The following GRK7 variants were observed in gnomAD, a reference collection of about 807,000 sequenced individuals.
GRK7 encodes the protein G protein-coupled receptor kinase 7.
GRK7 carries 24 observed loss-of-function variants against 34.1 expected under a neutral mutation model. That is an observed-to-expected ratio of 0.70 (90% confidence interval 0.51 to 0.99). The LOEUF is 0.99. Ranked by LOEUF, GRK7 falls within the 50% of genes least tolerant of loss-of-function variation. The pLI is 0.00. For missense variants in GRK7, 644 were observed against 707.3 expected (o/e 0.91, Z 1.02); for synonymous variants, 256 against 279.4 (o/e 0.92, Z 0.84).
At chr3:141,767,710 G>A (rs1297790912) in intron 1 of GRK7, among the ~76,000 whole-genome samples, 1 of 152,088 alleles carries the variant, frequency 6.6e-6, no homozygotes, top group Non-Finnish European at 1.5e-5. Flanking sequence ...AGAAAAGTCT[G>A]CTATTTTAAA....
At chr3:141,767,645 T>C (rs2084595884) in intron 1 of GRK7, among the ~76,000 whole-genome samples, 1 of 151,996 alleles carries the variant, frequency 6.6e-6, no homozygotes, top group African/African-American at 2.4e-5. Context: ...AGGCGATCCA[T>C]CCACCTTGGC....
intron 1 of GRK7, among the ~76,000 whole-genome samples, chr3:141,766,805 C>T (rs1373268962): frequency 1.3e-5 from 2 of 152,310 alleles, no homozygotes; most frequent in Admixed American, 6.5e-5. Flanking sequence ...AATAAAATCT[C>T]GTACTTTCCA....
chr3:141,781,295 G>A (rs1231394172), intron 4 of GRK7, among the ~76,000 whole-genome samples: 2 of 152,116 alleles, frequency 1.3e-5, no homozygotes, highest in Non-Finnish European at 2.9e-5. Flanking sequence ...CAGCACTTTG[G>A]GGAGGCCGAG....
At chr3:141,784,316 C>T (rs1413091802) in intron 4 of GRK7, among the ~76,000 whole-genome samples, 1 of 152,160 alleles carries the variant, frequency 6.6e-6, no homozygotes, top group African/African-American at 2.4e-5. Context: ...GCCCTTTTAC[C>T]TCTGCATCCC....
chr3:141,782,204 G>A (rs2084675099), intron 4 of GRK7, among the ~76,000 whole-genome samples: 1 of 152,178 alleles, frequency 6.6e-6, no homozygotes, highest in African/African-American at 2.4e-5. Context: ...GATGGTAGGT[G>A]GGGACATCAG....
chr3:141,786,597 G>A (rs1307478865), intron 4 of GRK7, among the ~76,000 whole-genome samples: 2 of 152,156 alleles, frequency 1.3e-5, no homozygotes, highest in Admixed American at 6.5e-5. Context: ...CTAACACAGT[G>A]AAACCTGGTC....
In GRK7 at chr3:141,780,802, C is replaced by T. The variant is rs1290802752; in HGVS notation, c.1041C>T (p.Ile347=). ...LAVEMKGGKP[I]TQRAGTNGYM... The stretch of plus-strand genomic sequence containing the variant: ...TGGAGATGAAGGGTGGCAAGCCCAT[C>T]ACCCAGAGGGTGAGTGACTCTCCAC... The change falls in exon 4 of 6, where the codon ATC becomes ATT. Residue 347 remains isoleucine, a synonymous_variant. Transcript: ENST00000682958. The T allele has an allele frequency of 1.2e-6, 2 of 1,612,762 alleles. No homozygotes were observed. The highest frequency in any genetic ancestry group is 1.7e-6 in the Non-Finnish European group (2 of 1,179,330).
At position 141,778,664 on chromosome 3, in the gene GRK7, G is replaced by T. The variant is rs35318124; in HGVS notation, c.380G>T (p.Ser127Ile). 1.2e-6 allele frequency: 2 copies of T among 1,613,536 alleles called. No homozygotes were observed. Among genetic ancestry groups the T allele is most frequent in the Admixed American group, 3.3e-5 (2 of 59,940 alleles). ...PAPGNPQPFL[S>I]QAVATKCQAA... is the part of the protein sequence containing the mutation. ...CCGGGGAACCCGCAACCCTTCCTCA[G>T]CCAGGCCGTGGCCACCAAGTGCCAA... The change falls in exon 3 of 6, where the codon AGC (serine) becomes ATC (isoleucine). Residue 127 changes from serine (S) to isoleucine (I), a missense_variant. By Grantham distance (142) the Ser-to-Ile change is moderately radical. Transcript: ENST00000682958. This position sits in a 1 kb window ranked among gnomAD's most constrained non-coding sequence, Gnocchi z 4.1.
intron 4 of GRK7, among the ~76,000 whole-genome samples, chr3:141,806,249 T>C (rs1305626730): frequency 1.3e-5 from 2 of 152,156 alleles, no homozygotes; most frequent in African/African-American, 2.4e-5. Context: ...CCCATTGCTC[T>C]CTGTCATATC....
rs1262219102 is a variant in GRK7 at position 141,817,557 on chromosome 3, CA to C, written c.*509del. 1 of 152,294 alleles carries C rather than the reference CA, an allele frequency of 6.6e-6. No individual in the cohort carries two copies. The highest frequency in any genetic ancestry group is 1.5e-5 in the Non-Finnish European group (1 of 68,142). 9.4% of individuals were successfully genotyped at this position (152,294 alleles called of 1,614,324 possible). ...AAAGGAGTGGATTACAATATTTTGG[CA>C]ATGTTTTAAATCACAGAATAATTTT... is the stretch of plus-strand genomic sequence containing the variant. On this transcript the variant is annotated 3_prime_UTR_variant, in exon 6 of 6. Transcript: ENST00000682958.
At chr3:141,794,814 T>C (rs998558683) in intron 4 of GRK7, among the ~76,000 whole-genome samples, 1 of 152,106 alleles carries the variant, frequency 6.6e-6, no homozygotes, top group Non-Finnish European at 1.5e-5. Flanking sequence ...ATGGTTTGGA[T>C]ACGGGGTTAA....
intron 5 of GRK7, among the ~76,000 whole-genome samples, chr3:141,809,629 TC>T (rs1454570249): frequency 6.6e-6 from 1 of 151,880 alleles, no homozygotes; most frequent in Non-Finnish European, 1.5e-5. Flanking sequence ...GCCCAGGAGC[TC>T]AAGGCTGCAG....
Position 141,793,584 on chromosome 3 carries a change from G to C in GRK7, c.1050+12773G>C, listed in dbSNP as rs572350530. ...ATCCTTCAGGGAGCTCTGGAGTTGG[G>C]ATGACTCTTCTGAGTTGGCCCAAAT... is the stretch of plus-strand genomic sequence containing the variant. On this transcript the variant is annotated intron_variant, in intron 4 of 5. Transcript: ENST00000682958. Among the ~76,000 whole-genome samples, 9 of 152,316 alleles carry C rather than the reference G, an allele frequency of 5.9e-5. No homozygotes were observed. The East Asian group carries it at 1.7e-3, about 29-fold the overall frequency.
chr3:141,798,862 T>C (rs1216457899), intron 4 of GRK7, among the ~76,000 whole-genome samples: 2 of 152,240 alleles, frequency 1.3e-5, no homozygotes, highest in African/African-American at 2.4e-5. Context: ...CAAAGCTCCA[T>C]GGCTGACATT....
chr3:141,782,434 A>G (rs2084676171), intron 4 of GRK7, among the ~76,000 whole-genome samples: 1 of 152,132 alleles, frequency 6.6e-6, no homozygotes, highest in Admixed American at 6.6e-5. Context: ...TTTAATTGTG[A>G]TTATGCTGTC....
chr3:141,789,669 A>AAAAAAAAAAAAAAAAAC, intron 4 of GRK7, among the ~76,000 whole-genome samples: 1 of 151,798 alleles, frequency 6.6e-6, no homozygotes, highest in African/African-American at 2.4e-5. Flanking sequence ...AAAAAAAAAA[A>AAAAAAAAAAAAAAAAAC]ACACAAAACA....
chr3:141,805,257 T>G (rs539972380), intron 4 of GRK7, among the ~76,000 whole-genome samples: 2 of 152,368 alleles, frequency 1.3e-5, no homozygotes, highest in South Asian at 4.1e-4. Flanking sequence ...CTTACAGGTC[T>G]CGGTATCCCT....
chr3:141,803,419 CA>C (rs112674890), intron 4 of GRK7, among the ~76,000 whole-genome samples: 37 of 147,888 alleles, frequency 2.5e-4, no homozygotes, highest in East Asian at 9.9e-4. Context: ...ACAGATGTCT[CA>C]AAAAAAAAAA....
the GRK7 span, among the ~76,000 whole-genome samples, chr3:141,756,713 C>G: frequency 6.6e-6 from 1 of 152,086 alleles, no homozygotes; most frequent in African/African-American, 2.4e-5. Flanking sequence ...AAGACCATAA[C>G]CAACACCCTT....
Sources: gnomAD v4.1 joint callset for allele counts (sites outside exome capture counted in the v4.1 genomes callset) on GRCh38, gnomAD v4.1.1 for gene constraint, Gnocchi (gnomAD v3.1) non-coding constraint, MANE v1.5 for transcripts, NCBI Gene and HGNC (gene_info 2026-07-23, HGNC 2026-07-21) for gene names.